PPP2R2B: variants seen among roughly 807,000 people sequenced by gnomAD.
PPP2R2B encodes the protein protein phosphatase 2 regulatory subunit Bbeta.
A neutral mutation model predicts 46.0 loss-of-function variants in PPP2R2B; 5 were observed. The ratio of observed to expected loss-of-function variants is 0.11; its 90% CI spans 0.06 to 0.23. The LOEUF (loss-of-function observed/expected upper bound fraction) is 0.23, where lower values mean the gene tolerates loss of function less well. Ranked by LOEUF, PPP2R2B falls within the 10% of genes least tolerant of loss-of-function variation. The pLI is 1.00. For missense variants in PPP2R2B, 367 were observed against 575.0 expected, an observed-to-expected ratio of 0.64 and a Z score of 3.70; for synonymous variants, 215 against 206.7, an observed-to-expected ratio of 1.04 and a Z score of -0.34.
chr5:146,698,325 T>G (rs866335209), intron 3 of PPP2R2B, among the ~76,000 whole-genome samples, 181 bp from the exon 4 acceptor site: 1 of 84,422 alleles, frequency 1.2e-5, no homozygotes, highest in Non-Finnish European at 2.0e-5. Context: ...AAAATATATA[T>G]ATATATATAT....
At chr5:146,781,175 T>TATATAA (rs1347279752) in intron 2 of PPP2R2B, among the ~76,000 whole-genome samples, 5 of 116,450 alleles carry the variant, frequency 4.3e-5, no homozygotes, top group Admixed American at 1.8e-4. Context: ...TATATATATA[T>TATATAA]AAAATTATTC....
intron 1 of PPP2R2B, among the ~76,000 whole-genome samples, chr5:146,903,354 TTTTTGC>T (rs1762897028): frequency 6.6e-6 from 1 of 151,630 alleles, no homozygotes; most frequent in African/African-American, 2.4e-5. Flanking sequence ...TTTGTTTTTG[TTTTTGC>T]TTTTGTTCTT....
intron 2 of PPP2R2B, among the ~76,000 whole-genome samples, chr5:146,735,434 G>A (rs1281005315): frequency 6.6e-6 from 1 of 151,988 alleles, no homozygotes; most frequent in Non-Finnish European, 1.5e-5. Flanking sequence ...CCAGATATGA[G>A]TCCAAGTTAT....
intron 2 of PPP2R2B, among the ~76,000 whole-genome samples, chr5:146,757,919 T>A (rs938461334): frequency 6.6e-6 from 1 of 152,174 alleles, no homozygotes; most frequent in African/African-American, 2.4e-5. Context: ...AACTCTTCCA[T>A]GCACCTTGAA....
intron 2 of PPP2R2B, among the ~76,000 whole-genome samples, chr5:146,722,553 C>G: frequency 6.6e-6 from 1 of 152,270 alleles, no homozygotes; most frequent in Non-Finnish European, 1.5e-5. Flanking sequence ...GGGGAAGCTA[C>G]AAAATATGCT....
At chr5:146,858,534 C>T (rs992449382) in intron 2 of PPP2R2B, among the ~76,000 whole-genome samples, 3 of 152,108 alleles carry the variant, frequency 2.0e-5, no homozygotes, top group Admixed American at 6.5e-5. Flanking sequence ...AAAGATTTCA[C>T]TGCTTACATA....
chr5:146,685,825 T>C (rs947679300), intron 5 of PPP2R2B, among the ~76,000 whole-genome samples: 2 of 152,146 alleles, frequency 1.3e-5, no homozygotes, highest in Non-Finnish European at 2.9e-5. Flanking sequence ...CCTTTAAAAA[T>C]CAGTGCATCC....
chr5:146,794,013 T>C (rs1278367342), intron 2 of PPP2R2B, among the ~76,000 whole-genome samples: 1 of 152,146 alleles, frequency 6.6e-6, no homozygotes, highest in Admixed American at 6.6e-5. Context: ...TTGACACATA[T>C]CTCAGGAAAT....
chr5:146,922,027 G>T (rs988539525), intron 1 of PPP2R2B, among the ~76,000 whole-genome samples: 1 of 152,206 alleles, frequency 6.6e-6, no homozygotes, highest in Non-Finnish European at 1.5e-5. Flanking sequence ...CTGAGTGACA[G>T]AACTGGGATT....
rs575171459 is a variant in PPP2R2B at position 146,713,624 on chromosome 5, A to T, written c.71-12482T>A. ...TATTGAGATAATCAAGGGGAGATAA[A>T]CCATGGTGTAGGCTGTGGAGGTGAA... On this transcript the variant is annotated intron_variant, in intron 2 of 9. Coordinates refer to ENST00000394411, the MANE Select transcript of PPP2R2B (RefSeq NM_181675.4). Among the ~76,000 whole-genome samples the T allele has an allele frequency of 8.5e-5, 13 of 152,182 alleles. No individual in the cohort carries two copies. The South Asian group carries it at 2.3e-3, about 27-fold the overall frequency.
intron 2 of PPP2R2B, chr5:146,751,421 C>T (rs894132764): frequency 1.3e-5 from 2 of 152,214 alleles, no homozygotes; most frequent in Non-Finnish European, 2.9e-5. Context: ...TCTAATTACT[C>T]ACAAGGACCT....
At chr5:146,806,064 C>A (rs938434816) in intron 2 of PPP2R2B, among the ~76,000 whole-genome samples, 1 of 152,184 alleles carries the variant, frequency 6.6e-6, no homozygotes, top group Non-Finnish European at 1.5e-5. Context: ...TTTACTCATC[C>A]TGAAAATACA....
intron 2 of PPP2R2B, among the ~76,000 whole-genome samples, chr5:147,066,833 G>A (rs933773764): frequency 6.6e-6 from 1 of 152,086 alleles, no homozygotes; most frequent in Non-Finnish European, 1.5e-5. Flanking sequence ...GAAGACCAGG[G>A]AAGCCAGGCT....
At chr5:146,645,878 T>C (rs549758401) in intron 6 of PPP2R2B, among the ~76,000 whole-genome samples, 1 of 152,286 alleles carries the variant, frequency 6.6e-6, no homozygotes, top group African/African-American at 2.4e-5. Context: ...TCAAAAATAG[T>C]GGCCTTCTTA....
intron 2 of PPP2R2B, among the ~76,000 whole-genome samples, chr5:146,811,247 C>G (rs1757523334): frequency 6.6e-6 from 1 of 152,160 alleles, no homozygotes; most frequent in Non-Finnish European, 1.5e-5. Flanking sequence ...ATCTGTCCAC[C>G]TCGGCCTCTG....
chr5:146,606,937 A>G (rs1772340420), intron 7 of PPP2R2B: 1 of 152,140 alleles, frequency 6.6e-6, no homozygotes, highest in South Asian at 2.1e-4. Flanking sequence ...AGGGCTTTAA[A>G]TTGCTCACTT....
chr5:146,996,656 T>C (rs1753935332), intron 1 of PPP2R2B, among the ~76,000 whole-genome samples: 2 of 152,156 alleles, frequency 1.3e-5, no homozygotes, highest in Admixed American at 1.3e-4. Flanking sequence ...GGGCCTGGAC[T>C]TCAGCAGTGG....
chr5:147,033,086 T>A (rs1255261830), intron 1 of PPP2R2B, among the ~76,000 whole-genome samples: 1 of 152,174 alleles, frequency 6.6e-6, no homozygotes, highest in African/African-American at 2.4e-5. Flanking sequence ...AATGAAAACC[T>A]TAGGTTAATA....
intron 2 of PPP2R2B, among the ~76,000 whole-genome samples, chr5:146,773,591 G>T (rs1755001727): frequency 6.6e-6 from 1 of 152,144 alleles, no homozygotes; most frequent in Non-Finnish European, 1.5e-5. Flanking sequence ...CAGATTATAG[G>T]GTGAGTGGAT....
Sources: gnomAD v4.1 joint callset for allele counts (sites outside exome capture counted in the v4.1 genomes callset) on GRCh38, gnomAD v4.1.1 for gene constraint, MANE v1.5 for transcripts, NCBI Gene and HGNC (gene_info 2026-07-23, HGNC 2026-07-21) for gene names.